The following FAM81A variants were observed in gnomAD, a reference collection of about 807,000 sequenced individuals.
The protein encoded by FAM81A is protein FAM81A.
A neutral mutation model predicts 46.7 loss-of-function variants in FAM81A; 19 were observed. The ratio of observed to expected loss-of-function variants is 0.41; its 90% CI spans 0.28 to 0.60. The LOEUF (loss-of-function observed/expected upper bound fraction) is 0.60. Ranked by LOEUF, FAM81A falls within the 20% of genes least tolerant of loss-of-function variation. The pLI is 0.34. For synonymous variants in FAM81A, 183 were observed against 152.9 expected, an observed-to-expected ratio of 1.20 and a Z score of -1.45; for missense variants, 377 against 453.5, an observed-to-expected ratio of 0.83 and a Z score of 1.53.
chr15:59,512,624 A>G (rs1280161802), intron 6 of FAM81A, among the ~76,000 whole-genome samples: 2 of 152,074 alleles, frequency 1.3e-5, no homozygotes, highest in African/African-American at 4.8e-5. Context: ...TGGGTCTTCT[A>G]AGGTCCTGGC....
At chr15:59,427,827 T>C (rs2081201861) in intron 2 of FAM81A, among the ~76,000 whole-genome samples, 1 of 152,244 alleles carries the variant, frequency 6.6e-6, no homozygotes, top group Non-Finnish European at 1.5e-5. Flanking sequence ...TTAGGTTGCT[T>C]CCAAATTTTT....
chr15:59,461,406 G>T (rs967949645), intron 3 of FAM81A, among the ~76,000 whole-genome samples: 1 of 151,998 alleles, frequency 6.6e-6, no homozygotes, highest in Non-Finnish European at 1.5e-5. Flanking sequence ...CTGCATCGGC[G>T]TCCCAAGTAG....
At chr15:59,456,773 G>A (rs1461208937) in intron 1 of FAM81A, among the ~76,000 whole-genome samples, 4 of 151,910 alleles carry the variant, frequency 2.6e-5, no homozygotes, top group Non-Finnish European at 1.5e-5. Context: ...ATGGGATTTC[G>A]CCATGTTGCC....
At chr15:59,479,543 G>A (rs1433255460) in intron 3 of FAM81A, among the ~76,000 whole-genome samples, 45 of 130,898 alleles carry the variant, frequency 3.4e-4, no homozygotes, top group Middle Eastern at 4.2e-3. Context: ...AAAAAAAAAA[G>A]GATGGTAAGG....
chr15:59,475,711 A>G (rs1044441264), intron 3 of FAM81A, among the ~76,000 whole-genome samples: 6 of 152,168 alleles, frequency 3.9e-5, no homozygotes, highest in African/African-American at 1.2e-4. Flanking sequence ...TTTTTTTGTA[A>G]CTGGTAGTAA....
At chr15:59,483,769 C>T (rs1174710647) in intron 3 of FAM81A, among the ~76,000 whole-genome samples, 2 of 152,208 alleles carry the variant, frequency 1.3e-5, no homozygotes, top group Non-Finnish European at 2.9e-5. Context: ...CCTTCCTGAA[C>T]AGTTGGGATA....
intron 3 of FAM81A, 42 bp from the exon 4 acceptor site, chr15:59,492,229 G>C: frequency 6.9e-7 from 1 of 1,459,162 alleles, no homozygotes; most frequent in East Asian, 2.3e-5. Context: ...GGAAGCACGT[G>C]AATTCTTAGA....
Position 59,521,394 on chromosome 15 carries a change from G to A in FAM81A, c.*16G>A, listed in dbSNP as rs200398517. On this transcript the variant is annotated 3_prime_UTR_variant, in exon 9 of 9. Coordinates refer to ENST00000288228, the MANE Select transcript of FAM81A (RefSeq NM_152450.3). ...CCCCATGTGAAGGGAGCTGGGACAA[G>A]GTCCTAAAAGACAGTTTTGCCAGTG... The A allele has an allele frequency of 8.9e-5, 142 of 1,590,984 alleles. No homozygotes were observed. In the African/African-American group the frequency reaches 1.7e-3, roughly 19 times the overall value.
chr15:59,437,788 A>G (rs529820332), upstream of FAM81A, among the ~76,000 whole-genome samples: 7 of 152,282 alleles, frequency 4.6e-5, no homozygotes, highest in African/African-American at 1.7e-4. Flanking sequence ...CAGTGCCACC[A>G]CCATGGCTAT....
chr15:59,427,856 G>T (rs1490756002), intron 2 of FAM81A, among the ~76,000 whole-genome samples: 1 of 152,198 alleles, frequency 6.6e-6, no homozygotes. Flanking sequence ...GAATAGTGCT[G>T]TGATAAACAT....
chr15:59,516,692 C>A lies in FAM81A; in HGVS notation c.834C>A (p.Ala278=). ...AGAAGAAGCTCAGCCAGATGTCAGC[C>A]AGGCTTGACAAAATAGAAGAGGGTC... is the stretch of plus-strand genomic sequence containing the variant. ...DMEKKLSQMS[A]RLDKIEEGQK... is the part of the protein sequence containing the mutation. Residue 278 remains alanine, a synonymous_variant, in exon 8 of 9, where the codon GCC becomes GCA. Transcript: ENST00000288228. The A allele has an allele frequency of 1.2e-6, 2 of 1,613,496 alleles. No homozygotes were observed. The highest frequency in any genetic ancestry group is 1.7e-6 in the Non-Finnish European group (2 of 1,179,700).
At chr15:59,476,930 G>C (rs1242582168) in intron 3 of FAM81A, among the ~76,000 whole-genome samples, 2 of 151,526 alleles carry the variant, frequency 1.3e-5, no homozygotes, top group Non-Finnish European at 2.9e-5. Context: ...GACCAGCCTG[G>C]CCAACATGGT....
intron 2 of FAM81A, among the ~76,000 whole-genome samples, chr15:59,412,299 G>A (rs1252890196): frequency 6.6e-6 from 1 of 152,220 alleles, no homozygotes; most frequent in Non-Finnish European, 1.5e-5. Context: ...TTGTTGGGGA[G>A]AGAAAAGACT....
At chr15:59,412,754 C>T (rs1291090962) in intron 2 of FAM81A, among the ~76,000 whole-genome samples, 7 of 150,946 alleles carry the variant, frequency 4.6e-5, no homozygotes, top group East Asian at 1.9e-4. Flanking sequence ...ACAGTGGGTC[C>T]CTCCCTGGAC....
intron 2 of FAM81A, among the ~76,000 whole-genome samples, chr15:59,424,420 C>T (rs1294028057): frequency 6.6e-6 from 1 of 152,196 alleles, no homozygotes; most frequent in Non-Finnish European, 1.5e-5. Context: ...CTCATCCAAT[C>T]ACAGGGCTTT....
intron 7 of FAM81A, among the ~76,000 whole-genome samples, chr15:59,515,585 A>T (rs2082258327): frequency 6.6e-6 from 1 of 152,160 alleles, no homozygotes; most frequent in Non-Finnish European, 1.5e-5. Context: ...TTCCCATAAA[A>T]ACCAAGCATG....
At chr15:59,455,195 C>G (rs1472857449) in intron 1 of FAM81A, among the ~76,000 whole-genome samples, 2 of 152,008 alleles carry the variant, frequency 1.3e-5, no homozygotes, top group African/African-American at 4.8e-5. Flanking sequence ...GTGCCTGGCC[C>G]CAGAGTTTAT....
intron 2 of FAM81A, among the ~76,000 whole-genome samples, chr15:59,426,889 A>G (rs755071108): frequency 6.6e-6 from 1 of 152,208 alleles, no homozygotes; most frequent in Non-Finnish European, 1.5e-5. Context: ...TGAGTCAAGT[A>G]TGATTGAACA....
At chr15:59,429,175 G>A (rs1045320890) in intron 2 of FAM81A, among the ~76,000 whole-genome samples, 4 of 152,144 alleles carry the variant, frequency 2.6e-5, no homozygotes, top group South Asian at 4.2e-4. Context: ...GATGTTATTC[G>A]GATTCCTAAT....
Sources: gnomAD v4.1 joint callset for allele counts (sites outside exome capture counted in the v4.1 genomes callset) on GRCh38, gnomAD v4.1.1 for gene constraint, MANE v1.5 for transcripts, NCBI Gene and HGNC (gene_info 2026-07-23, HGNC 2026-07-21) for gene names.